Variants in TRAPPC3L observed in about 807,000 individuals in gnomAD.
TRAPPC3L encodes trafficking protein particle complex subunit 3-like protein.
Under a neutral mutation model 23.7 loss-of-function variants are expected in TRAPPC3L, and 23 were observed. That is an observed-to-expected ratio of 0.97 (90% CI 0.70 to 1.37). The LOEUF (loss-of-function observed/expected upper bound fraction) is 1.37, where lower values mean the gene tolerates loss of function less well. Among genes scored for constraint, TRAPPC3L ranks in the 40% most tolerant of loss-of-function variants. The probability of loss-of-function intolerance (pLI) is 0.00; values close to 1 mark genes in which losing one functional copy is unlikely to be tolerated. For synonymous variants in TRAPPC3L, 81 were observed against 77.9 expected, an observed-to-expected ratio of 1.04 and a Z score of -0.21; for missense variants, 212 against 216.8, an observed-to-expected ratio of 0.98 and a Z score of 0.14.
At chr6:116,533,171 G>A (rs1772846184) in intron 3 of TRAPPC3L, among the ~76,000 whole-genome samples, 1 of 152,160 alleles carries the variant, frequency 6.6e-6, no homozygotes, top group African/African-American at 2.4e-5. Context: ...TGGCCACAGT[G>A]TCATTTAACA....
At chr6:116,512,132 C>T (rs1017506632) in intron 3 of TRAPPC3L, 5 of 1,613,770 alleles carry the variant, frequency 3.1e-6, no homozygotes, top group African/African-American at 2.7e-5. Flanking sequence ...CAAGGGTAAG[C>T]CCAAAGAGTG....
chr6:116,531,650 T>A (rs1772733264), intron 3 of TRAPPC3L, among the ~76,000 whole-genome samples: 1 of 152,142 alleles, frequency 6.6e-6, no homozygotes, highest in Non-Finnish European at 1.5e-5. Flanking sequence ...CTAACACAAT[T>A]TGGCTCCATG....
At chr6:116,497,141 C>A (rs1402001610) in intron 4 of TRAPPC3L, 68 bp from the exon 5 acceptor site, 2 of 1,480,836 alleles carry the variant, frequency 1.4e-6, no homozygotes, top group Non-Finnish European at 1.8e-6. Context: ...TTTTCTCAGT[C>A]TTTTTTCAGC....
At chr6:116,501,263 C>A (rs1044784809) in intron 3 of TRAPPC3L, among the ~76,000 whole-genome samples, 2 of 152,178 alleles carry the variant, frequency 1.3e-5, no homozygotes, top group Non-Finnish European at 1.5e-5. Flanking sequence ...AGCCTGAGAT[C>A]GACCTGAGAT....
intron 3 of TRAPPC3L, among the ~76,000 whole-genome samples, chr6:116,505,028 C>A (rs962901311): frequency 6.6e-6 from 1 of 151,990 alleles, no homozygotes; most frequent in Non-Finnish European, 1.5e-5. Context: ...GGCAATCAGG[C>A]AAGAGAAAGA....
At chr6:116,511,614 A>T in intron 3 of TRAPPC3L, 3 of 1,284,326 alleles carry the variant, frequency 2.3e-6, no homozygotes, top group Non-Finnish European at 3.3e-6. Context: ...TTTCTGATGA[A>T]GAAAGAGCTC....
At chr6:116,509,907 A>C (rs1175521837) in intron 3 of TRAPPC3L, among the ~76,000 whole-genome samples, 1 of 152,230 alleles carries the variant, frequency 6.6e-6, no homozygotes, top group African/African-American at 2.4e-5. Flanking sequence ...AAATGGGAGA[A>C]GATATTTGTA....
intron 2 of TRAPPC3L, among the ~76,000 whole-genome samples, chr6:116,542,166 G>A (rs985624355): frequency 2.6e-5 from 4 of 152,084 alleles, no homozygotes; most frequent in Non-Finnish European, 5.9e-5. Flanking sequence ...GTGAGCTAGC[G>A]TAAAATAACC....
At chr6:116,540,280 T>A in intron 3 of TRAPPC3L, 83 bp downstream of exon 3, 1 of 1,308,376 alleles carries the variant, frequency 7.6e-7, no homozygotes, top group Non-Finnish European at 1.1e-6. Flanking sequence ...ATGGAACCTG[T>A]CCAATCTGAA....
intron 3 of TRAPPC3L, chr6:116,523,327 G>A (rs1361823189): frequency 6.6e-6 from 1 of 152,092 alleles, no homozygotes; most frequent in Non-Finnish European, 1.5e-5. Flanking sequence ...AGTTTTACAT[G>A]TTTCTTGTAA....
intron 3 of TRAPPC3L, among the ~76,000 whole-genome samples, chr6:116,512,661 T>A (rs920787587): frequency 1.3e-5 from 2 of 152,254 alleles, no homozygotes; most frequent in Non-Finnish European, 2.9e-5. Context: ...TCTATTAAAA[T>A]GTAGCTGAAT....
At chr6:116,538,266 A>G (rs1440492071) in intron 3 of TRAPPC3L, among the ~76,000 whole-genome samples, 1 of 152,188 alleles carries the variant, frequency 6.6e-6, no homozygotes, top group African/African-American at 2.4e-5. Flanking sequence ...TCACTGCACT[A>G]TTCTAACTGG....
chr6:116,534,783 T>C (rs1407178997), intron 3 of TRAPPC3L, among the ~76,000 whole-genome samples: 1 of 113,472 alleles, frequency 8.8e-6, no homozygotes, highest in Non-Finnish European at 1.9e-5. Flanking sequence ...CAATTTATAC[T>C]ATAAAAGAAA....
intron 3 of TRAPPC3L, among the ~76,000 whole-genome samples, chr6:116,537,807 T>G (rs552107116): frequency 6.6e-6 from 1 of 152,296 alleles, no homozygotes; most frequent in South Asian, 2.1e-4. Context: ...CCTCTTCCCT[T>G]CCTCTTTTCT....
intron 3 of TRAPPC3L, among the ~76,000 whole-genome samples, chr6:116,509,828 G>T (rs957179498): frequency 6.6e-6 from 1 of 151,890 alleles, no homozygotes; most frequent in Non-Finnish European, 1.5e-5. Flanking sequence ...AAATAAATGG[G>T]ACCTAATTAA....
chr6:116,505,853 A>G (rs914213109), intron 3 of TRAPPC3L, among the ~76,000 whole-genome samples: 1 of 152,238 alleles, frequency 6.6e-6, no homozygotes, highest in Middle Eastern at 3.2e-3. Flanking sequence ...CTTACACCTT[A>G]TACAAAAACT....
At chr6:116,521,369 C>T (rs1439628364) in intron 3 of TRAPPC3L, 2 of 151,996 alleles carry the variant, frequency 1.3e-5, no homozygotes, top group Non-Finnish European at 2.9e-5. Flanking sequence ...GCCTGAGAAC[C>T]AGGGGAGTTG....
At chr6:116,515,743 T>C (rs919521747) in intron 3 of TRAPPC3L, 5 of 1,614,014 alleles carry the variant, frequency 3.1e-6, no homozygotes, top group Non-Finnish European at 4.2e-6. Context: ...AGTTGGAAAA[T>C]ACATTTCTGG....
rs1773736296 is a variant in TRAPPC3L, at chr6:116,545,602, G to GT, written c.-89dup. ...GTATCAGTCCATGTCTTTTTGTTTT[G>GT]TTTTTGTAAGCTCTTCCTCGCTTTG... On this transcript the variant is annotated 5_prime_UTR_variant, in exon 1 of 5. Transcript: ENST00000368602. The GT allele has an allele frequency of 2.4e-6, 3 of 1,237,594 alleles. No individual in the cohort carries two copies. In the South Asian group the frequency reaches 4.4e-5, roughly 18 times the overall value. 76.7% of individuals were successfully genotyped at this position (1,237,594 alleles called of 1,614,324 possible). A position where few individuals can be genotyped will look rare whatever the true frequency, so the allele number is the denominator to read the frequency against.
Sources: gnomAD v4.1 joint callset for allele counts (sites outside exome capture counted in the v4.1 genomes callset) on GRCh38, gnomAD v4.1.1 for gene constraint, MANE v1.5 for transcripts, NCBI Gene and HGNC (gene_info 2026-07-23, HGNC 2026-07-21) for gene names.